Variants in RBMS3 observed in about 807,000 individuals in gnomAD.
RBMS3 encodes the protein RNA binding motif single stranded interacting protein 3, also known as RNA-binding motif, single-stranded-interacting protein 3.
RBMS3 carries 27 observed loss-of-function variants against 66.8 expected under a neutral mutation model. That is an observed-to-expected ratio of 0.40 (90% CI 0.30 to 0.56). The LOEUF is 0.56. Among genes scored for constraint, RBMS3 ranks in the 20% least tolerant of loss-of-function variants. The pLI is 0.40. For synonymous variants in RBMS3, 188 were observed against 183.0 expected (o/e 1.03, Z -0.22); for missense variants, 513 against 549.5 (o/e 0.93, Z 0.66).
intron 3 of RBMS3, among the ~76,000 whole-genome samples, chr3:29,575,283 G>GTTTTTTTTTTTTTTTTT (rs746440704): frequency 6.9e-6 from 1 of 145,602 alleles, no homozygotes; most frequent in Non-Finnish European, 1.5e-5. Flanking sequence ...AAGGGTAAAA[G>GTTTTTTTTTTTTTTTTT]TTTTTTTTTT....
At chr3:29,786,467 A>G (rs186381604) in intron 6 of RBMS3, among the ~76,000 whole-genome samples, 1 of 152,354 alleles carries the variant, frequency 6.6e-6, no homozygotes, top group East Asian at 1.9e-4. Flanking sequence ...ATAGTCACAA[A>G]AACAGCATGG....
At chr3:29,662,957 A>C (rs1420925036) in intron 4 of RBMS3, among the ~76,000 whole-genome samples, 1 of 152,180 alleles carries the variant, frequency 6.6e-6, no homozygotes, top group Non-Finnish European at 1.5e-5. Context: ...TTTTGGTGTA[A>C]ATGTGTTATC....
At chr3:29,835,750 G>A (rs142332832) in intron 6 of RBMS3, among the ~76,000 whole-genome samples, 68 of 151,698 alleles carry the variant, frequency 4.5e-4, no homozygotes, top group African/African-American at 1.5e-3. Context: ...CCCAAATTTA[G>A]CAAAAGGAAG....
At chr3:29,584,402 T>G (rs2149089170) in intron 3 of RBMS3, among the ~76,000 whole-genome samples, 1 of 152,248 alleles carries the variant, frequency 6.6e-6, no homozygotes, top group African/African-American at 2.4e-5. Context: ...TTTTGACTAT[T>G]TCCTATTAAT....
intron 4 of RBMS3, among the ~76,000 whole-genome samples, chr3:29,679,318 G>C (rs1451767128): frequency 6.6e-6 from 1 of 152,058 alleles, no homozygotes; most frequent in Non-Finnish European, 1.5e-5. Flanking sequence ...GAGTAAAATG[G>C]GGTTTTGCAT....
At chr3:29,597,996 G>C (rs1430980650) in intron 4 of RBMS3, among the ~76,000 whole-genome samples, 1 of 151,970 alleles carries the variant, frequency 6.6e-6, no homozygotes. Context: ...TGATTCAAAG[G>C]TAAATTTCTT....
chr3:29,301,981 A>G (rs2033702065), intron 1 of RBMS3, among the ~76,000 whole-genome samples: 1 of 151,926 alleles, frequency 6.6e-6, no homozygotes. Flanking sequence ...AGACATATCC[A>G]TCTCTATCAC....
intron 1 of RBMS3, among the ~76,000 whole-genome samples, chr3:29,409,417 A>C (rs1225947836): frequency 2.0e-5 from 3 of 152,136 alleles, no homozygotes; most frequent in Admixed American, 1.3e-4. Flanking sequence ...CTGAAATGAC[A>C]TATGTTTCAG....
chr3:29,701,066 C>A (rs989751656), intron 4 of RBMS3, among the ~76,000 whole-genome samples: 1 of 152,092 alleles, frequency 6.6e-6, no homozygotes, highest in Admixed American at 6.5e-5. Context: ...CTTGGCCTCC[C>A]AGGAGTTCGA....
chr3:29,791,558 G>A lies in RBMS3; in HGVS notation c.637+28569G>A, dbSNP rs533595322. ...TTTTTGAAAGATGGCTTTGAACTCG[G>A]ACCAGTCTATAAGGAATAGATTTTA... On this transcript the variant is annotated intron_variant, in intron 6 of 14. Transcript: ENST00000383767. Among the ~76,000 whole-genome samples, 4 of 152,176 alleles carry A rather than the reference G, an allele frequency of 2.6e-5. No homozygotes were observed. The East Asian group carries it at 5.8e-4, about 22-fold the overall frequency.
chr3:29,973,279 T>C (rs887260356), intron 12 of RBMS3, among the ~76,000 whole-genome samples: 2 of 151,954 alleles, frequency 1.3e-5, no homozygotes, highest in African/African-American at 2.4e-5. Context: ...AAATGTGAAA[T>C]AGAAACACTA....
intron 3 of RBMS3, among the ~76,000 whole-genome samples, chr3:29,500,019 A>G (rs1316804276): frequency 6.6e-6 from 1 of 152,114 alleles, no homozygotes; most frequent in East Asian, 1.9e-4. Flanking sequence ...CACATGCTGC[A>G]ATAGATAAAC....
At chr3:29,632,758 C>A (rs2049330098) in intron 4 of RBMS3, among the ~76,000 whole-genome samples, 1 of 151,820 alleles carries the variant, frequency 6.6e-6, no homozygotes, top group Admixed American at 6.6e-5. Context: ...ACTTAATAAG[C>A]AAAGAATGGA....
intron 13 of RBMS3, among the ~76,000 whole-genome samples, chr3:29,990,504 C>T (rs1195780263): frequency 1.4e-5 from 2 of 146,774 alleles, no homozygotes; most frequent in African/African-American, 5.0e-5. Context: ...GAAAAGCAAA[C>T]CAAAATTAAG....
At chr3:29,779,447 C>T (rs973763111) in intron 6 of RBMS3, among the ~76,000 whole-genome samples, 1 of 151,326 alleles carries the variant, frequency 6.6e-6, no homozygotes, top group Non-Finnish European at 1.5e-5. Flanking sequence ...GCCAAAGAAG[C>T]CATGGACACT....
chr3:29,282,394 G>A (rs2031885060), intron 1 of RBMS3, among the ~76,000 whole-genome samples: 2 of 152,060 alleles, frequency 1.3e-5, no homozygotes, highest in Admixed American at 1.3e-4. Flanking sequence ...TTTCTGTGTA[G>A]CTGCCATGAG....
chr3:29,824,159 T>C (rs1576916456), intron 6 of RBMS3, among the ~76,000 whole-genome samples: 1 of 112,250 alleles, frequency 8.9e-6, no homozygotes, highest in African/African-American at 3.4e-5. Context: ...AATCCTAACC[T>C]CCAAGGTAAT....
At chr3:29,961,059 G>A (rs1017306390) in intron 12 of RBMS3, among the ~76,000 whole-genome samples, 4 of 152,000 alleles carry the variant, frequency 2.6e-5, no homozygotes, top group African/African-American at 9.7e-5. Context: ...CTTTCCTATA[G>A]CATTGTCAAG....
At chr3:29,676,590 G>A (rs1201287737) in intron 4 of RBMS3, among the ~76,000 whole-genome samples, 1 of 151,958 alleles carries the variant, frequency 6.6e-6, no homozygotes, top group East Asian at 1.9e-4. Flanking sequence ...CTTTAGTTCT[G>A]TATTTAAATG....
Sources: allele counts gnomAD v4.1 joint callset (sites outside exome capture counted in the v4.1 genomes callset), GRCh38; gene constraint gnomAD v4.1.1; transcripts MANE v1.5; gene names NCBI Gene and HGNC (gene_info 2026-07-23, HGNC 2026-07-21).